The following CNTLN variants were observed in gnomAD, a reference collection of about 807,000 sequenced individuals.
CNTLN encodes centlein, centrosomal protein.
A neutral mutation model predicts 180.0 loss-of-function variants in CNTLN; 212 were observed. That is an observed-to-expected ratio of 1.18 (90% CI 1.05 to 1.32). The LOEUF is 1.32. CNTLN is among the 40% of genes most tolerant of loss of function. The probability of loss-of-function intolerance (pLI) is 0.00; values close to 1 mark genes in which losing one functional copy is unlikely to be tolerated. For missense variants in CNTLN, 2,095 were observed against 1,610.9 expected, an observed-to-expected ratio of 1.30 and a Z score of -5.14; for synonymous variants, 722 against 563.1, an observed-to-expected ratio of 1.28 and a Z score of -3.99.
the CNTLN span, among the ~76,000 whole-genome samples, chr9:17,527,064 G>T: frequency 6.6e-6 from 1 of 152,112 alleles, no homozygotes; most frequent in Admixed American, 6.5e-5. Context: ...TGTATTTTTA[G>T]TAGAGATGGG....
chr9:17,137,780 A>G (rs1817820372), intron 1 of CNTLN, among the ~76,000 whole-genome samples: 1 of 152,208 alleles, frequency 6.6e-6, no homozygotes, highest in Non-Finnish European at 1.5e-5. Flanking sequence ...AAGTTTGAGT[A>G]ATTCCCCATA....
At chr9:17,381,833 AG>A (rs1220806765) in intron 13 of CNTLN, among the ~76,000 whole-genome samples, 32 of 152,328 alleles carry the variant, frequency 2.1e-4, no homozygotes, top group African/African-American at 6.7e-4. Flanking sequence ...TCTTAATCCC[AG>A]TCCCAGGCTG....
chr9:17,454,747 A>G (rs562457976), intron 18 of CNTLN, among the ~76,000 whole-genome samples: 7 of 152,218 alleles, frequency 4.6e-5, no homozygotes, highest in Non-Finnish European at 8.8e-5. Context: ...ATCTCTTTTT[A>G]AATGAGGAAA....
chr9:17,202,646 G>GTTTTTTTTTTTTTTTTTTTTTTTT (rs57960408), intron 2 of CNTLN, among the ~76,000 whole-genome samples: 9 of 71,476 alleles, frequency 1.3e-4, no homozygotes, highest in East Asian at 5.4e-4. Context: ...TGCAACCTCT[G>GTTTTTTTTTTTTTTTTTTTTTTTT]TTTTTTTTTT....
At chr9:17,318,680 GATA>G (rs1299234087) in intron 8 of CNTLN, among the ~76,000 whole-genome samples, 16 of 152,298 alleles carry the variant, frequency 1.1e-4, no homozygotes, top group African/African-American at 3.8e-4. Flanking sequence ...TCTGAAGTTA[GATA>G]GAGGAGAGAT....
At chr9:17,327,453 G>T (rs1384363371) in intron 8 of CNTLN, among the ~76,000 whole-genome samples, 2 of 150,302 alleles carry the variant, frequency 1.3e-5, no homozygotes, top group Admixed American at 1.3e-4. Context: ...CGAAGTGCTG[G>T]GATTACAGGC....
At chr9:17,511,706 G>T in the CNTLN span, among the ~76,000 whole-genome samples, 2 of 151,554 alleles carry the variant, frequency 1.3e-5, no homozygotes, top group Non-Finnish European at 2.9e-5. Flanking sequence ...ACACCAGGAG[G>T]GGATTAGACA....
rs1446020314 is a variant in CNTLN, at chr9:17,394,557, G to A, written c.2103G>A (p.Leu701=). 1.3e-6 allele frequency: 2 copies of A among 1,582,096 alleles called. No homozygotes were observed. The highest frequency in any genetic ancestry group is 8.5e-7 in the Non-Finnish European group (1 of 1,170,228). ...LQKVTELENR[L]KSFEKRSRKL... ...AGGTCACTGAGTTGGAAAATCGGCT[G>A]AAATCTTTTGAGAAAAGGTCGAGAA... Residue 701 remains leucine (L), a synonymous_variant, in exon 15 of 26, where the codon CTG becomes CTA. Coordinates refer to ENST00000380647, the MANE Select transcript of CNTLN (RefSeq NM_017738.4).
At chr9:17,298,783 G>C (rs1291039255) in intron 7 of CNTLN, 1 of 986,470 alleles carries the variant, frequency 1.0e-6, no homozygotes, top group African/African-American at 1.7e-5. Context: ...GCTGAGGAGG[G>C]CTTTAGGATC....
chr9:17,476,868 A>G (rs1270073524), intron 23 of CNTLN, among the ~76,000 whole-genome samples: 4 of 152,228 alleles, frequency 2.6e-5, no homozygotes, highest in African/African-American at 7.2e-5. Context: ...AAATGACTAC[A>G]TATTTTCTAT....
chr9:17,221,469 G>A (rs943816411), intron 2 of CNTLN, among the ~76,000 whole-genome samples: 24 of 152,028 alleles, frequency 1.6e-4, no homozygotes, highest in African/African-American at 5.1e-4. Flanking sequence ...TACTATTAAC[G>A]TATGGTAAGT....
intron 2 of CNTLN, among the ~76,000 whole-genome samples, chr9:17,162,758 G>C (rs532789433): frequency 2.6e-5 from 4 of 152,182 alleles, no homozygotes; most frequent in Admixed American, 2.6e-4. Context: ...ACTATGGGGC[G>C]TAGAACAGTT....
intron 15 of CNTLN, among the ~76,000 whole-genome samples, chr9:17,407,971 C>CA (rs1295280007): frequency 5.9e-5 from 9 of 151,480 alleles, no homozygotes; most frequent in African/African-American, 1.9e-4. Flanking sequence ...CCTAAAAATA[C>CA]AAAAAATTAG....
chr9:17,487,124 AT>A, intron 25 of CNTLN, 58 bp downstream of exon 25: 2 of 1,173,180 alleles, frequency 1.7e-6, no homozygotes, highest in Non-Finnish European at 2.5e-6. Flanking sequence ...CAAGCCTTAC[AT>A]TTTCACCAGA....
At chr9:17,205,841 G>A (rs1490130551) in intron 2 of CNTLN, among the ~76,000 whole-genome samples, 1 of 152,082 alleles carries the variant, frequency 6.6e-6, no homozygotes, top group Non-Finnish European at 1.5e-5. Flanking sequence ...GCTTTTTCTT[G>A]ACGGACTATT....
chr9:17,470,982 T>C (rs539723891), intron 23 of CNTLN, among the ~76,000 whole-genome samples: 12 of 152,164 alleles, frequency 7.9e-5, no homozygotes, highest in African/African-American at 2.9e-4. Context: ...AATTAAGATT[T>C]ATAAACAGGT....
At chr9:17,485,938 G>A (rs1484490719) in intron 24 of CNTLN, among the ~76,000 whole-genome samples, 4 of 152,128 alleles carry the variant, frequency 2.6e-5, no homozygotes, top group South Asian at 4.1e-4. Context: ...GATGGTGCAT[G>A]TCTGTGAATA....
At chr9:17,275,716 G>A (rs1222808196) in intron 6 of CNTLN, among the ~76,000 whole-genome samples, 4 of 152,024 alleles carry the variant, frequency 2.6e-5, no homozygotes, top group Admixed American at 1.3e-4. Context: ...TAAATTTAGT[G>A]TATTGCAAGA....
chr9:17,213,635 T>TGTCTAATGTTGACAGTGGGGTGTTATC (rs1823499528), intron 2 of CNTLN, among the ~76,000 whole-genome samples: 1 of 152,222 alleles, frequency 6.6e-6, no homozygotes, highest in Admixed American at 6.5e-5. Flanking sequence ...CTCGTTGGTC[T>TGTCTAATGTTGACAGTGGGGTGTTATC]GTCTAATGTT....
Sources: allele counts gnomAD v4.1 joint callset (sites outside exome capture counted in the v4.1 genomes callset), GRCh38; gene constraint gnomAD v4.1.1; transcripts MANE v1.5; gene names NCBI Gene and HGNC (gene_info 2026-07-23, HGNC 2026-07-21).